Variants in PDCD1LG2 observed in about 807,000 individuals in gnomAD.
PDCD1LG2 encodes B7 dendritic cell molecule.
A neutral mutation model predicts 28.2 loss-of-function variants in PDCD1LG2; 32 were observed. That is an observed-to-expected ratio of 1.13 (90% confidence interval 0.86 to 1.52). The LOEUF (loss-of-function observed/expected upper bound fraction) is 1.52, where lower values mean the gene tolerates loss of function less well. Ranked by LOEUF, PDCD1LG2 falls within the 40% of genes most tolerant of loss-of-function variation. PDCD1LG2 has a pLI of 0.00. For missense variants in PDCD1LG2, 385 were observed against 323.8 expected, an observed-to-expected ratio of 1.19 and a Z score of -1.45; for synonymous variants, 116 against 120.2, an observed-to-expected ratio of 0.97 and a Z score of 0.23.
chr9:5,527,829 T>G (rs574522808), intron 2 of PDCD1LG2, among the ~76,000 whole-genome samples: 1 of 151,382 alleles, frequency 6.6e-6, no homozygotes, highest in South Asian at 2.1e-4. Flanking sequence ...TATTCTTTTC[T>G]ATTTTTTCTT....
chr9:5,566,193 C>T (rs1816662708), intron 6 of PDCD1LG2, among the ~76,000 whole-genome samples: 1 of 152,182 alleles, frequency 6.6e-6, no homozygotes, highest in African/African-American at 2.4e-5. Context: ...TGGACATGTC[C>T]CTTGCATGTA....
chr9:5,530,133 T>A (rs1820454577), intron 2 of PDCD1LG2, among the ~76,000 whole-genome samples: 1 of 152,218 alleles, frequency 6.6e-6, no homozygotes, highest in Non-Finnish European at 1.5e-5. Flanking sequence ...GTTTCCTGAA[T>A]AAGTGACAGG....
chr9:5,530,465 G>C (rs1820460313), intron 2 of PDCD1LG2, among the ~76,000 whole-genome samples: 1 of 144,838 alleles, frequency 6.9e-6, no homozygotes, highest in African/African-American at 2.6e-5. Flanking sequence ...CTTTTCCTTA[G>C]CATACAGCAA....
chr9:5,553,178 A>G (rs954985145), intron 4 of PDCD1LG2, among the ~76,000 whole-genome samples: 2 of 152,116 alleles, frequency 1.3e-5, no homozygotes, highest in Admixed American at 1.3e-4. Context: ...GAAACTAGAA[A>G]TCCATCAATT....
At chr9:5,556,691 G>A (rs932887464) in intron 4 of PDCD1LG2, among the ~76,000 whole-genome samples, 2 of 152,152 alleles carry the variant, frequency 1.3e-5, no homozygotes, top group African/African-American at 4.8e-5. Context: ...GAGCAGTTTC[G>A]TCCAGTTTTT....
intron 5 of PDCD1LG2, among the ~76,000 whole-genome samples, chr9:5,560,562 G>A (rs1290850425): frequency 1.3e-5 from 2 of 152,210 alleles, no homozygotes; most frequent in Admixed American, 1.3e-4. Flanking sequence ...GGGTTGATGA[G>A]GTAGGAGGAG....
chr9:5,559,343 A>G (rs995831547), intron 5 of PDCD1LG2, among the ~76,000 whole-genome samples: 2 of 152,224 alleles, frequency 1.3e-5, no homozygotes, highest in African/African-American at 4.8e-5. Context: ...GGTTGCCTAT[A>G]TAACCCTTGT....
In PDCD1LG2 at chr9:5,569,595, C is replaced by G. The variant is rs367886751; in HGVS notation, c.817-359C>G. Among the ~76,000 whole-genome samples, 118 of 152,276 alleles carry G rather than the reference C, an allele frequency of 7.7e-4. No individual in the cohort carries two copies. Among genetic ancestry groups the G allele is most frequent in the African/African-American group, 2.7e-3 (112 of 41,548 alleles). On this transcript the variant is annotated intron_variant, in intron 6 of 6. Coordinates refer to ENST00000397747, the MANE Select transcript of PDCD1LG2 (RefSeq NM_025239.4). The surrounding 1 kb of genome is among the most constrained non-coding windows in gnomAD (Gnocchi z 4.1). ...ATCCTGGAGCATGAATAGAGTGCAG[C>G]AGGGTGAATAATGAGTCTGCAGGAA...
rs546066244 is a variant in PDCD1LG2, at chr9:5,522,039, C to T, written c.-14-494C>T. Among the ~76,000 whole-genome samples the T allele has an allele frequency of 6.6e-5, 10 of 152,316 alleles. No individual in the cohort carries two copies. The South Asian group carries it at 2.1e-3, about 32-fold the overall frequency. On this transcript the variant is annotated intron_variant, in intron 1 of 6. Coordinates refer to ENST00000397747, the MANE Select transcript of PDCD1LG2 (RefSeq NM_025239.4). ...CAAACTCAATTCCAGCACTCAAAAG[C>T]ACTTGACTACTTTGCTCAGTCAACT... is the stretch of plus-strand genomic sequence containing the variant.
intron 2 of PDCD1LG2, among the ~76,000 whole-genome samples, chr9:5,523,381 G>C (rs981452941): frequency 1.3e-5 from 2 of 152,146 alleles, no homozygotes; most frequent in African/African-American, 4.8e-5. Context: ...CAGCCCCATG[G>C]GAAATCATCT....
intron 4 of PDCD1LG2, among the ~76,000 whole-genome samples, chr9:5,551,583 G>C (rs771498709): frequency 2.4e-4 from 36 of 152,250 alleles, no homozygotes; most frequent in Non-Finnish European, 4.4e-4. Flanking sequence ...ACAGGAATAT[G>C]AACTCCATTC....
intron 1 of PDCD1LG2, among the ~76,000 whole-genome samples, chr9:5,513,080 A>T (rs532603366): frequency 1.3e-5 from 2 of 152,352 alleles, no homozygotes; most frequent in Admixed American, 1.3e-4. Context: ...ACTCAAAAAA[A>T]AAATTAGATG....
intron 6 of PDCD1LG2, among the ~76,000 whole-genome samples, chr9:5,567,337 G>C (rs546041480): frequency 6.6e-6 from 1 of 152,370 alleles, no homozygotes; most frequent in Non-Finnish European, 1.5e-5. Flanking sequence ...AATGGAGCTA[G>C]AACTCAGACC....
intron 2 of PDCD1LG2, among the ~76,000 whole-genome samples, chr9:5,525,903 T>C (rs923376594): frequency 1.3e-5 from 2 of 151,722 alleles, no homozygotes; most frequent in Non-Finnish European, 2.9e-5. Context: ...AAAAATTAGC[T>C]GGGCATGGTG....
chr9:5,561,447 G>A (rs1471515841), intron 5 of PDCD1LG2, among the ~76,000 whole-genome samples: 1 of 152,178 alleles, frequency 6.6e-6, no homozygotes, highest in Admixed American at 6.5e-5. Context: ...TCATACAGCT[G>A]GGATTTGAAT....
rs144975887 is a variant in PDCD1LG2 at position 5,534,948 on chromosome 9, T to C, written c.259T>C (p.Phe87Leu). The part of the protein sequence containing the change: ...EEQLPLGKAS[F>L]HIPQVQVRDE... The stretch of plus-strand genomic sequence containing the variant: ...GCAGCTGCCCCTAGGGAAGGCCTCG[T>C]TCCACATACCTCAAGTCCAAGTGAG... Residue 87 changes from phenylalanine to leucine, a missense_variant, in exon 3 of 7, where the codon TTC becomes CTC. Phe to Leu is a conservative substitution (Grantham distance 22). Coordinates refer to ENST00000397747, the MANE Select transcript of PDCD1LG2 (RefSeq NM_025239.4). The C allele has an allele frequency of 1.2e-6, 2 of 1,613,996 alleles. No individual in the cohort carries two copies. Among genetic ancestry groups the C allele is most frequent in the Non-Finnish European group, 1.7e-6 (2 of 1,180,012 alleles).
chr9:5,564,786 C>G (rs1246125540), intron 6 of PDCD1LG2, among the ~76,000 whole-genome samples: 6 of 152,364 alleles, frequency 3.9e-5, no homozygotes, highest in Admixed American at 6.5e-5. Context: ...TCCACCAACA[C>G]CACTGCCATG....
At chr9:5,532,712 A>G (rs972944042) in intron 2 of PDCD1LG2, among the ~76,000 whole-genome samples, 3 of 152,228 alleles carry the variant, frequency 2.0e-5, no homozygotes, top group Admixed American at 1.3e-4. Flanking sequence ...TGATCAGAGA[A>G]TGGACTGTCC....
At chr9:5,511,307 T>C (rs1454733498) in intron 1 of PDCD1LG2, among the ~76,000 whole-genome samples, 2 of 152,202 alleles carry the variant, frequency 1.3e-5, no homozygotes, top group Non-Finnish European at 2.9e-5. Context: ...GAGGTAATCA[T>C]TATTGAACAA....
Sources: gnomAD v4.1 joint callset for allele counts (sites outside exome capture counted in the v4.1 genomes callset) on GRCh38, gnomAD v4.1.1 for gene constraint, Gnocchi (gnomAD v3.1) non-coding constraint, MANE v1.5 for transcripts, NCBI Gene and HGNC (gene_info 2026-07-23, HGNC 2026-07-21) for gene names.